The following NDUFB3 variants were observed in gnomAD, a reference collection of about 807,000 sequenced individuals.
NDUFB3 encodes the protein NADH dehydrogenase [ubiquinone] 1 beta subcomplex subunit 3.
NDUFB3 carries 7 observed loss-of-function variants against 9.0 expected under a neutral mutation model. That is an observed-to-expected ratio of 0.78 (90% CI 0.44 to 1.46). The LOEUF (loss-of-function observed/expected upper bound fraction) is 1.46, where lower values mean the gene tolerates loss of function less well. Ranked by LOEUF, NDUFB3 falls within the 40% of genes most tolerant of loss-of-function variation. NDUFB3 has a pLI of 0.01. For missense variants in NDUFB3, 93 were observed against 115.4 expected, an observed-to-expected ratio of 0.81 and a Z score of 0.89; for synonymous variants, 29 against 38.5, an observed-to-expected ratio of 0.75 and a Z score of 0.91.
chr2:201,076,982 C>T (rs1039411069), intron 1 of NDUFB3, among the ~76,000 whole-genome samples: 1 of 151,974 alleles, frequency 6.6e-6, no homozygotes, highest in Admixed American at 6.6e-5. Context: ...TGCCTGTAAT[C>T]CCAGCCACTC....
Position 201,085,513 on chromosome 2 carries a change from T to C in NDUFB3, c.195T>C (p.Asp65=). 6.2e-7 allele frequency: 1 copy of C among 1,612,780 alleles called. No individual in the cohort carries two copies. Among genetic ancestry groups the C allele is most frequent in the Non-Finnish European group, 8.5e-7 (1 of 1,179,108 alleles). ...GGFAKSVSFS[D]VFFKGFKWGF... ...TTGCAAAGAGTGTTTCCTTTTCTGA[T>C]GTATTCTTTAAAGGATTCAAATGGG... Residue 65 remains aspartate, a synonymous_variant, in exon 3 of 3, where the codon GAT becomes GAC. Transcript: ENST00000237889.
intron 1 of NDUFB3, among the ~76,000 whole-genome samples, chr2:201,074,850 A>G (rs939612289): frequency 2.6e-5 from 4 of 152,196 alleles, no homozygotes; most frequent in Non-Finnish European, 4.4e-5. Flanking sequence ...GCACATCACA[A>G]TGTGTTTTCC....
intron 1 of NDUFB3, among the ~76,000 whole-genome samples, chr2:201,073,803 A>G (rs2047128934): frequency 6.6e-6 from 1 of 151,978 alleles, no homozygotes; most frequent in Non-Finnish European, 1.5e-5. Context: ...TAAAGACTAG[A>G]GGCTTGATGT....
At chr2:201,075,431 T>TG (rs897109762) in intron 1 of NDUFB3, among the ~76,000 whole-genome samples, 1 of 151,186 alleles carries the variant, frequency 6.6e-6, no homozygotes, top group Non-Finnish European at 1.5e-5. Flanking sequence ...CCAGGCGTGG[T>TG]GGGGGGTTCC....
At chr2:201,083,745 G>A (rs1388104450) in intron 2 of NDUFB3, among the ~76,000 whole-genome samples, 1 of 152,178 alleles carries the variant, frequency 6.6e-6, no homozygotes, top group Admixed American at 6.5e-5. Context: ...AATATGGCGA[G>A]TTACTTCTAT....
intron 2 of NDUFB3, among the ~76,000 whole-genome samples, chr2:201,080,120 T>C (rs2047206733): frequency 6.6e-6 from 1 of 152,234 alleles, no homozygotes; most frequent in Admixed American, 6.5e-5. Context: ...TTACATTCTG[T>C]GATCTGTTTT....
intron 2 of NDUFB3, among the ~76,000 whole-genome samples, chr2:201,082,805 C>A (rs2047243489): frequency 6.7e-6 from 1 of 149,276 alleles, no homozygotes; most frequent in Non-Finnish European, 1.5e-5. Flanking sequence ...GCTCCGCTTC[C>A]CGGGTTCACG....
intron 2 of NDUFB3, among the ~76,000 whole-genome samples, 193 bp from the exon 3 acceptor site, chr2:201,085,266 C>G (rs1024671141): frequency 1.3e-5 from 2 of 152,122 alleles, no homozygotes; most frequent in Non-Finnish European, 2.9e-5. Flanking sequence ...AGTGTTTATT[C>G]TTCTATTTTA....
rs1172438703 is a variant in NDUFB3 at position 201,078,977 on chromosome 2, T to A, written c.95T>A (p.Ile32Asn). The A allele has an allele frequency of 1.9e-6, 3 of 1,613,286 alleles. No homozygotes were observed. The highest frequency in any genetic ancestry group is 2.5e-6 in the Non-Finnish European group (3 of 1,179,802). Residue 32 changes from isoleucine (I) to asparagine (N), a missense_variant, in exon 2 of 3, where the codon ATC becomes AAC. Coordinates refer to ENST00000237889, the MANE Select transcript of NDUFB3 (RefSeq NM_002491.3). ...ATAGAAGGGACACCATTAGAAACTA[T>A]CCAGAAGAAGCTGGCTGCAAAAGGG... ...WKIEGTPLET[I>N]QKKLAAKGLR... is the part of the protein sequence containing the mutation.
At position 201,085,618 on chromosome 2, in the gene NDUFB3, A is replaced by G; in HGVS notation, c.*3A>G. The G allele has an allele frequency of 6.2e-7, 1 of 1,608,306 alleles. No homozygotes were observed. The highest frequency in any genetic ancestry group is 8.5e-7 in the Non-Finnish European group (1 of 1,177,654). On this transcript the variant is annotated 3_prime_UTR_variant, in exon 3 of 3. Coordinates refer to ENST00000237889, the MANE Select transcript of NDUFB3 (RefSeq NM_002491.3). ...ATAAAGATAAGAAGCATCACTGAAGATAATACCTGGAAGCATCATAGTGGT... is the reference window on the plus strand; with the variant it reads ...ATAAAGATAAGAAGCATCACTGAAGGTAATACCTGGAAGCATCATAGTGGT...
At chr2:201,082,730 G>A (rs1222219600) in intron 2 of NDUFB3, among the ~76,000 whole-genome samples, 6 of 120,184 alleles carry the variant, frequency 5.0e-5, no homozygotes, top group African/African-American at 1.3e-4. Flanking sequence ...TTTTTGAGAC[G>A]GAGTCTCACT....
intron 2 of NDUFB3, among the ~76,000 whole-genome samples, chr2:201,082,680 T>C (rs11888847): frequency 0.05 from 7,535 of 151,318 alleles, 448 homozygotes; most frequent in African/African-American, 0.14. Flanking sequence ...GTTTATATCT[T>C]GTTACCTTGC....
chr2:201,083,549 G>A (rs371796114), intron 2 of NDUFB3, among the ~76,000 whole-genome samples: 8 of 151,706 alleles, frequency 5.3e-5, no homozygotes, highest in African/African-American at 1.2e-4. Context: ...AGACTAAAAC[G>A]TTGGCCAGGC....
At chr2:201,080,835 C>G (rs2047214339) in intron 2 of NDUFB3, among the ~76,000 whole-genome samples, 1 of 150,826 alleles carries the variant, frequency 6.6e-6, no homozygotes, top group African/African-American at 2.4e-5. Flanking sequence ...TCCTAAATAG[C>G]TGGGACTACA....
intron 2 of NDUFB3, among the ~76,000 whole-genome samples, chr2:201,084,924 G>A (rs995274199): frequency 2.0e-5 from 3 of 152,120 alleles, no homozygotes; most frequent in African/African-American, 7.2e-5. Flanking sequence ...AATGTCAAGT[G>A]TTACATACTC....
chr2:201,076,743 C>T (rs1269915363), intron 1 of NDUFB3, among the ~76,000 whole-genome samples: 1 of 151,674 alleles, frequency 6.6e-6, no homozygotes, highest in Non-Finnish European at 1.5e-5. Context: ...CCTCAGCCTC[C>T]CAATAATGTG....
At chr2:201,078,474 T>A (rs1396275990) in intron 1 of NDUFB3, among the ~76,000 whole-genome samples, 1 of 152,146 alleles carries the variant, frequency 6.6e-6, no homozygotes, top group Non-Finnish European at 1.5e-5. Context: ...GTTCAAAGAG[T>A]TGTTTTAGAG....
chr2:201,077,644 G>A (rs11897109), intron 1 of NDUFB3, among the ~76,000 whole-genome samples: 7,896 of 152,264 alleles, frequency 0.052, 473 homozygotes, highest in African/African-American at 0.14. Context: ...CAGTTAAGTA[G>A]AATGTTACCC....
At chr2:201,075,443 G>A (rs2047153800) in intron 1 of NDUFB3, among the ~76,000 whole-genome samples, 1 of 151,480 alleles carries the variant, frequency 6.6e-6, no homozygotes, top group Non-Finnish European at 1.5e-5. Context: ...GGGGGTTCCT[G>A]TAGTCCCAGC....
Sources: allele counts gnomAD v4.1 joint callset (sites outside exome capture counted in the v4.1 genomes callset), GRCh38; gene constraint gnomAD v4.1.1; transcripts MANE v1.5; gene names NCBI Gene and HGNC (gene_info 2026-07-23, HGNC 2026-07-21).